ABR: variants seen among roughly 807,000 people sequenced by gnomAD.
ABR encodes the protein ABR activator of RhoGEF and GTPase.
A neutral mutation model predicts 107.2 loss-of-function variants in ABR; 35 were observed. That is an observed-to-expected ratio of 0.33 (90% CI 0.25 to 0.43). ABR has a LOEUF of 0.43. ABR is among the 20% of genes least tolerant of loss of function. The probability of loss-of-function intolerance (pLI) is 1.00; values close to 1 mark genes in which losing one functional copy is unlikely to be tolerated. For synonymous variants in ABR, 498 were observed against 462.0 expected (o/e 1.08, Z -1.00); for missense variants, 815 against 1,115.2 (o/e 0.73, Z 3.83).
rs2036451809 is a variant in ABR, at chr17:1,084,268, T to G, written c.532-641A>C. On this transcript the variant is annotated intron_variant, in intron 4 of 22. Transcript: ENST00000302538. This position sits in a 1 kb window ranked among gnomAD's most constrained non-coding sequence, Gnocchi z 4.2. ...GGCGCGTGCCTGTAATCCCAGGTAC[T>G]CAGGAGAATGAGGCAGGAGAATCGC... Among the ~76,000 whole-genome samples, 1 of 152,202 alleles carries G rather than the reference T, an allele frequency of 6.6e-6. No individual in the cohort carries two copies. The highest frequency in any genetic ancestry group is 2.4e-5 in the African/African-American group (1 of 41,452).
At chr17:1,045,572 T>G (rs894633) in intron 16 of ABR, among the ~76,000 whole-genome samples, 120,282 of 152,216 alleles carry the variant, frequency 0.79, 48,665 homozygotes, top group South Asian at 0.91. Context: ...CATGGCCTTG[T>G]CCGGGCTCCT....
At chr17:1,100,597 CG>C (rs774953534) in intron 3 of ABR, 39 bp downstream of exon 3, 1 of 1,582,210 alleles carries the variant, frequency 6.3e-7, no homozygotes, top group Non-Finnish European at 8.7e-7. Flanking sequence ...CCAACACGGG[CG>C]GGGGGACCGG....
In ABR at chr17:1,050,808, C is replaced by T. The variant is rs568743330; in HGVS notation, c.1562-174G>A. On this transcript the variant is annotated intron_variant, in intron 14 of 22. Coordinates refer to ENST00000302538, the MANE Select transcript of ABR (RefSeq NM_021962.5). This position sits in a 1 kb window ranked among gnomAD's most constrained non-coding sequence, Gnocchi z 4.6. ...GACCATCTGGCTTCTCCCCTGCCCC[C>T]TTCTTAGGGGCTCAGCCCTCCCCAC... Among the ~76,000 whole-genome samples, 2 of 152,128 alleles carry T rather than the reference C, an allele frequency of 1.3e-5. No individual in the cohort carries two copies. Among genetic ancestry groups the T allele is most frequent in the African/African-American group, 4.8e-5 (2 of 41,494 alleles).
intron 1 of ABR, among the ~76,000 whole-genome samples, chr17:1,169,409 T>G (rs1231141342): frequency 6.6e-6 from 1 of 152,224 alleles, no homozygotes; most frequent in Admixed American, 6.5e-5. Context: ...GTCCAATCAA[T>G]TGCTTTGTTA....
In ABR at chr17:1,004,203, C is replaced by T. The variant is rs1166165906; in HGVS notation, c.*1877G>A. 6.6e-6 allele frequency: 1 copy of T among 152,276 alleles called. No homozygotes were observed. The highest frequency in any genetic ancestry group is 2.1e-4 in the South Asian group (1 of 4,834). 9.4% of individuals were successfully genotyped at this position (152,276 alleles called of 1,614,324 possible). A position where few individuals can be genotyped will look rare whatever the true frequency, so the allele number is the denominator to read the frequency against. On this transcript the variant is annotated 3_prime_UTR_variant, in exon 23 of 23. Coordinates refer to ENST00000302538, the MANE Select transcript of ABR (RefSeq NM_021962.5). ...GGCAGGGACCTTAGGAAGGGCCAGG[C>T]ACTGCATCTTTAGACTCAAGTTCAC...
intron 16 of ABR, chr17:1,031,871 C>CGCGCTCCCCTCCCTCCCT (rs2072819456): frequency 8.3e-7 from 1 of 1,198,872 alleles, no homozygotes; most frequent in Admixed American, 4.5e-5. Flanking sequence ...CCTCCCTCCC[C>CGCGCTCCCCTCCCTCCCT]GCGCTCCCCT....
At chr17:1,129,204 G>C (rs1293730410) in intron 1 of ABR, among the ~76,000 whole-genome samples, 1 of 152,152 alleles carries the variant, frequency 6.6e-6, no homozygotes, top group African/African-American at 2.4e-5. Flanking sequence ...AGGGGAGGGA[G>C]AGCATTAGGA....
At chr17:1,205,673 G>A (rs1483626431) in intron 1 of ABR, among the ~76,000 whole-genome samples, 7 of 152,216 alleles carry the variant, frequency 4.6e-5, no homozygotes, top group South Asian at 2.1e-4. Context: ...GGCCAGGCGC[G>A]GCGGCTCACG....
At chr17:1,029,040 A>C (rs2072482043) in intron 16 of ABR, among the ~76,000 whole-genome samples, 1 of 151,590 alleles carries the variant, frequency 6.6e-6, no homozygotes, top group African/African-American at 2.4e-5. Context: ...AGAATCTAGA[A>C]GAGGGAAGGA....
rs565626224 is a variant in ABR, at chr17:1,179,743, C to G, written c.-16G>C. The G allele has an allele frequency of 7.2e-5, 100 of 1,385,538 alleles. No individual in the cohort carries two copies. The South Asian group carries it at 1.0e-3, about 15-fold the overall frequency. The allele number at this position is 1,385,538 out of a possible 1,614,324, so 85.8% of individuals were successfully genotyped here. A position where few individuals can be genotyped will look rare whatever the true frequency, so the allele number is the denominator to read the frequency against. ...GCGGCTCCATCCCGCGGCGGCGGCT[C>G]GGTCAGATCCGAAACCCGACCCTCA... On this transcript the variant is annotated 5_prime_UTR_variant, in exon 1 of 23. Coordinates refer to ENST00000302538, the MANE Select transcript of ABR (RefSeq NM_021962.5). The surrounding 1 kb of genome is among the most constrained non-coding windows in gnomAD (Gnocchi z 4.9).
Position 1,048,615 on chromosome 17 carries a change from C to G in ABR, c.1791+1435G>C, listed in dbSNP as rs1264280704. 5.3e-5 allele frequency among the ~76,000 whole-genome samples: 7 copies of G among 132,558 alleles called. No individual in the cohort carries two copies. The Admixed American group carries it at 5.9e-4, about 11-fold the overall frequency. 87.0% of individuals were successfully genotyped at this position (132,558 alleles called of 152,430 possible). ...GGGGCCACGGTCAAGAAGCTCGGCG[C>G]CCAGCTGCGCCTGGATCACGTCCGG... On this transcript the variant is annotated intron_variant, in intron 16 of 22. Coordinates refer to ENST00000302538, the MANE Select transcript of ABR (RefSeq NM_021962.5).
chr17:1,175,178 G>A (rs564473352), intron 1 of ABR, among the ~76,000 whole-genome samples: 12 of 152,322 alleles, frequency 7.9e-5, no homozygotes, highest in Admixed American at 2.0e-4. Context: ...TTGGGAAGCC[G>A]AGGCGGGTGG....
chr17:1,110,955 G>A (rs1407961279), intron 2 of ABR, among the ~76,000 whole-genome samples: 1 of 152,222 alleles, frequency 6.6e-6, no homozygotes, highest in South Asian at 2.1e-4. Flanking sequence ...GGGCGGGTGA[G>A]GCTGTGGCGA....
upstream of ABR, among the ~76,000 whole-genome samples, chr17:1,189,419 G>A (rs2042385934): frequency 6.8e-6 from 1 of 147,224 alleles, no homozygotes. Context: ...GTGCAATCTC[G>A]GCTCACTGAA....
intron 1 of ABR, among the ~76,000 whole-genome samples, chr17:1,192,497 C>G (rs986379969): frequency 2.0e-5 from 3 of 152,154 alleles, no homozygotes; most frequent in African/African-American, 7.2e-5. Flanking sequence ...AGAATGTGAG[C>G]TGGGCACGGG....
intron 1 of ABR, among the ~76,000 whole-genome samples, chr17:1,152,919 C>G (rs1262001901): frequency 6.6e-6 from 1 of 152,074 alleles, no homozygotes; most frequent in Non-Finnish European, 1.5e-5. Context: ...CACAGTGAAA[C>G]CTGTCTCTAC....
In ABR at chr17:1,211,139, C is replaced by T. The variant is rs192135832; in HGVS notation, c.838+17654G>A. ...CTAAAAAATACAAAAATTAGCCAGG[C>T]GTGGTGGCAGACGCCCATAGTCCCA... is the stretch of plus-strand genomic sequence containing the variant. On this transcript the variant is annotated intron_variant, in intron 1 of 22. Coordinates refer to the ABR transcript ENST00000574139. Among the ~76,000 whole-genome samples, 363 of 152,170 alleles carry T rather than the reference C, an allele frequency of 2.4e-3. 2 individuals carry two copies. The highest frequency in any genetic ancestry group is 3.5e-3 in the Non-Finnish European group (238 of 68,016).
chr17:1,154,953 G>A lies in ABR; in HGVS notation c.61+24714C>T, dbSNP rs7406197. 51,959 of 151,804 alleles carry A rather than the reference G, an allele frequency of 0.34. 10,134 individuals are homozygous for A. The highest frequency in any genetic ancestry group is 0.52 in the East Asian group (2,687 of 5,128). The allele number at this position is 151,804 out of a possible 1,614,324, so 9.4% of individuals were successfully genotyped here. ...CACAAACAGGGCCTGCTCTGGGACC[G>A]TGCCTCCTGCCAGGACGCTGTGCCA... On this transcript the variant is annotated intron_variant, in intron 1 of 22. Transcript: ENST00000302538. This position sits in a 1 kb window ranked among gnomAD's most constrained non-coding sequence, Gnocchi z 4.0.
rs745479021 is a variant in ABR at position 1,072,686 on chromosome 17, G to A, written c.822C>T (p.Ser274=). 9 of 1,613,684 alleles carry A rather than the reference G, an allele frequency of 5.6e-6. No homozygotes were observed. The highest frequency in any genetic ancestry group is 7.6e-6 in the Non-Finnish European group (9 of 1,179,840). ...CGTTGATGCTGGACAGGAAGTTCTG[G>A]GAGATGCGGAGGGCATCCTGCAGCA... The part of the protein sequence containing the change: ...YPLLQDALRI[S]QNFLSSINED... The change falls in exon 8 of 23, where the codon TCC becomes TCT. Residue 274 remains serine (S), a synonymous_variant. Transcript: ENST00000302538.
Sources: gnomAD v4.1 joint callset for allele counts (sites outside exome capture counted in the v4.1 genomes callset) on GRCh38, gnomAD v4.1.1 for gene constraint, Gnocchi (gnomAD v3.1) non-coding constraint, MANE v1.5 for transcripts, NCBI Gene and HGNC (gene_info 2026-07-23, HGNC 2026-07-21) for gene names.